The following GAB2 variants were observed in gnomAD, a reference collection of about 807,000 sequenced individuals.
The protein encoded by GAB2 is GRB2 associated binding protein 2.
In GAB2, 26 loss-of-function variants were observed where a neutral mutation model predicts 65.5. That is an observed-to-expected ratio of 0.40 (90% confidence interval 0.29 to 0.55). The LOEUF (loss-of-function observed/expected upper bound fraction) is 0.55. Ranked by LOEUF, GAB2 falls within the 20% of genes least tolerant of loss-of-function variation. The probability of loss-of-function intolerance (pLI) is 0.53; values close to 1 mark genes in which losing one functional copy is unlikely to be tolerated. For missense variants in GAB2, 884 were observed against 875.8 expected, an observed-to-expected ratio of 1.01 and a Z score of -0.12; for synonymous variants, 321 against 329.6, an observed-to-expected ratio of 0.97 and a Z score of 0.28.
intron 1 of GAB2, among the ~76,000 whole-genome samples, chr11:78,408,345 T>C (rs73502980): frequency 0.053 from 7,999 of 152,248 alleles, 672 homozygotes; most frequent in African/African-American, 0.18. Flanking sequence ...CAACTGACTG[T>C]TGTATGTACA....
At chr11:78,273,512 C>T (rs1200643658) in intron 2 of GAB2, among the ~76,000 whole-genome samples, 1 of 152,232 alleles carries the variant, frequency 6.6e-6, no homozygotes, top group African/African-American at 2.4e-5. Context: ...TTTAGAATGG[C>T]TGTATTTACC....
intron 1 of GAB2, among the ~76,000 whole-genome samples, chr11:78,312,242 A>C (rs1282135595): frequency 6.6e-6 from 1 of 152,230 alleles, no homozygotes; most frequent in East Asian, 1.9e-4. Flanking sequence ...AGTAAGAGGA[A>C]AACAAGAGGG....
intron 3 of GAB2, among the ~76,000 whole-genome samples, chr11:78,233,870 C>CA (rs1864916189): frequency 6.6e-6 from 1 of 152,234 alleles, no homozygotes; most frequent in Admixed American, 6.5e-5. Flanking sequence ...TGCTGCCTCC[C>CA]AAAGTGCTGA....
intron 3 of GAB2, among the ~76,000 whole-genome samples, chr11:78,242,634 T>A (rs61550687): frequency 3.0e-4 from 46 of 152,058 alleles, no homozygotes; most frequent in African/African-American, 1.1e-3. Flanking sequence ...CAATAAATGC[T>A]AATACCAAAA....
At chr11:78,375,766 T>G (rs1856624480) in intron 1 of GAB2, among the ~76,000 whole-genome samples, 1 of 152,184 alleles carries the variant, frequency 6.6e-6, no homozygotes, top group African/African-American at 2.4e-5. Flanking sequence ...CACTGACTAA[T>G]AAGTTACAGA....
intron 1 of GAB2, among the ~76,000 whole-genome samples, chr11:78,300,461 TA>T (rs1205902146): frequency 6.6e-6 from 1 of 151,224 alleles, no homozygotes; most frequent in Non-Finnish European, 1.5e-5. Context: ...TTCTCCTGGT[TA>T]AATACCTAGG....
In GAB2 at chr11:78,401,505, CGTGTGT is replaced by C. The variant is rs34474918; in HGVS notation, c.75+16135_75+16140del. ...TTCCCTTTTAAGGCTGAACAGTATT[CGTGTGT>C]GTGTGTGTGTGTGTGTGTGTGTGTG... On this transcript the variant is annotated intron_variant, in intron 1 of 9. Transcript: ENST00000361507. 8.3e-3 allele frequency among the ~76,000 whole-genome samples: 1,039 copies of C among 125,000 alleles called. 5 individuals are homozygous for C. The highest frequency in any genetic ancestry group is 0.032 in the Middle Eastern group (8 of 250). 82.0% of individuals were successfully genotyped at this position (125,000 alleles called of 152,430 possible). A position where few individuals can be genotyped will look rare whatever the true frequency, so the allele number is the denominator to read the frequency against.
intron 1 of GAB2, among the ~76,000 whole-genome samples, chr11:78,384,489 A>G (rs1856740471): frequency 6.6e-6 from 1 of 152,234 alleles, no homozygotes; most frequent in Non-Finnish European, 1.5e-5. Context: ...TGCTGGTACT[A>G]GAGCACTTCC....
At position 78,220,329 on chromosome 11, in the gene GAB2, G is replaced by C; in HGVS notation, c.1877C>G (p.Pro626Arg). ...ALDFQPSSPSPHRKPSTSSVT... is the reference protein window; with the variant it reads ...ALDFQPSSPSRHRKPSTSSVT... ...CTCTACTCCAGGCACCTTGCGGTGG[G>C]GGCTTGGGGAGCTCGGCTGGAAGTC... Residue 626 changes from proline to arginine, a missense_variant, in exon 9 of 10, where the codon CCC (proline) becomes CGC (arginine). Coordinates refer to ENST00000361507, the MANE Select transcript of GAB2 (RefSeq NM_080491.3). The C allele has an allele frequency of 6.2e-7, 1 of 1,612,496 alleles. No individual in the cohort carries two copies. Among genetic ancestry groups the C allele is most frequent in the Non-Finnish European group, 8.5e-7 (1 of 1,179,686 alleles).
At chr11:78,398,647 A>C (rs1375842417) in intron 1 of GAB2, among the ~76,000 whole-genome samples, 1 of 152,144 alleles carries the variant, frequency 6.6e-6, no homozygotes, top group African/African-American at 2.4e-5. Context: ...AAAAAAAATA[A>C]AGTGATAACT....
intron 1 of GAB2, among the ~76,000 whole-genome samples, chr11:78,284,402 A>C (rs976081954): frequency 3.3e-5 from 5 of 152,146 alleles, no homozygotes; most frequent in African/African-American, 1.2e-4. Flanking sequence ...TGTTCATCTC[A>C]CTCAGAGTAA....
chr11:78,269,637 G>A (rs368481195), intron 2 of GAB2, among the ~76,000 whole-genome samples: 6 of 152,292 alleles, frequency 3.9e-5, no homozygotes, highest in African/African-American at 7.2e-5. Flanking sequence ...TATGGGTATC[G>A]TTTGACCCCA....
Position 78,267,857 on chromosome 11 carries a change from C to CAAAAAAAAAAAAAAAAAAAAAAA in GAB2, c.376+12721_376+12743dup, listed in dbSNP as rs751533828. On this transcript the variant is annotated intron_variant, in intron 2 of 9. Transcript: ENST00000361507. ...TGGGTGATAGAGCGAGACTCCGTCT[C>CAAAAAAAAAAAAAAAAAAAAAAA]AAAAAAAAAAAAAAAAAAAAAAAAG... is the stretch of plus-strand genomic sequence containing the variant. Among the ~76,000 whole-genome samples the CAAAAAAAAAAAAAAAAAAAAAAA allele has an allele frequency of 1.6e-3, 52 of 32,790 alleles. 4 individuals are homozygous for CAAAAAAAAAAAAAAAAAAAAAAA. The highest frequency in any genetic ancestry group is 3.3e-3 in the East Asian group (2 of 614). 21.5% of individuals were successfully genotyped at this position (32,790 alleles called of 152,430 possible).
intron 1 of GAB2, among the ~76,000 whole-genome samples, chr11:78,328,930 A>G (rs957212752): frequency 6.6e-6 from 1 of 152,194 alleles, no homozygotes; most frequent in East Asian, 1.9e-4. Flanking sequence ...ATTTTACCTC[A>G]AAGAAAAATA....
At chr11:78,363,162 C>T (rs759060133) in intron 1 of GAB2, among the ~76,000 whole-genome samples, 6 of 152,284 alleles carry the variant, frequency 3.9e-5, no homozygotes, top group Non-Finnish European at 7.4e-5. Flanking sequence ...TTAATCAGAA[C>T]GGAAAGACAT....
intron 2 of GAB2, among the ~76,000 whole-genome samples, chr11:78,275,752 G>C (rs1035290351): frequency 6.6e-6 from 1 of 152,040 alleles, no homozygotes; most frequent in Non-Finnish European, 1.5e-5. Context: ...ACATATTTCT[G>C]TGTGTGTATA....
At chr11:78,236,388 G>A (rs957572012) in intron 3 of GAB2, among the ~76,000 whole-genome samples, 4 of 152,076 alleles carry the variant, frequency 2.6e-5, no homozygotes, top group Non-Finnish European at 5.9e-5. Context: ...TGAGCTCCAG[G>A]TATCCACCTG....
intron 4 of GAB2, 130 bp downstream of exon 4, chr11:78,226,335 T>C (rs1864649297): frequency 1.4e-6 from 1 of 727,958 alleles, no homozygotes; most frequent in South Asian, 1.6e-5. Context: ...ACACCTATGT[T>C]TTTGAGTATC....
intron 1 of GAB2, among the ~76,000 whole-genome samples, chr11:78,336,318 C>T (rs546895730): frequency 3.2e-5 from 3 of 94,978 alleles, no homozygotes; most frequent in Non-Finnish European, 5.5e-5. Flanking sequence ...CAGAGCGAGA[C>T]TGTCTCTCAA....
Sources: allele counts gnomAD v4.1 joint callset (sites outside exome capture counted in the v4.1 genomes callset), GRCh38; gene constraint gnomAD v4.1.1; transcripts MANE v1.5; gene names NCBI Gene and HGNC (gene_info 2026-07-23, HGNC 2026-07-21).